The following SHROOM3 variants were observed in gnomAD, a reference collection of about 807,000 sequenced individuals.
SHROOM3 encodes the protein protein Shroom3.
A neutral mutation model predicts 138.6 loss-of-function variants in SHROOM3; 47 were observed. The observed-to-expected ratio is 0.34, with a 90% CI of 0.27 to 0.43. SHROOM3 has a LOEUF of 0.43. Ranked by LOEUF, SHROOM3 falls within the 20% of genes least tolerant of loss-of-function variation. The probability of loss-of-function intolerance (pLI) is 1.00; values close to 1 mark genes in which losing one functional copy is unlikely to be tolerated. For synonymous variants in SHROOM3, 1,062 were observed against 1,063.3 expected (o/e 1.00, Z 0.02); for missense variants, 2,491 against 2,596.5 (o/e 0.96, Z 0.88).
intron 2 of SHROOM3, among the ~76,000 whole-genome samples, chr4:76,708,012 G>A (rs1394054825): frequency 6.6e-6 from 1 of 151,930 alleles, no homozygotes; most frequent in Non-Finnish European, 1.5e-5. Context: ...GATTAGGAGG[G>A]GCAAAGGTTA....
intron 3 of SHROOM3, among the ~76,000 whole-genome samples, chr4:76,724,537 G>A (rs988461239): frequency 2.9e-4 from 44 of 152,002 alleles, no homozygotes; most frequent in Non-Finnish European, 4.0e-4. Flanking sequence ...CATGCGTATA[G>A]TATAAAATTT....
At chr4:76,754,003 T>A (rs1489179878) in intron 6 of SHROOM3, among the ~76,000 whole-genome samples, 1 of 152,218 alleles carries the variant, frequency 6.6e-6, no homozygotes, top group Non-Finnish European at 1.5e-5. Flanking sequence ...AAGCCTGTCC[T>A]CAAAAGCTGC....
intron 2 of SHROOM3, among the ~76,000 whole-genome samples, chr4:76,599,622 A>G (rs1448447790): frequency 6.6e-6 from 1 of 152,220 alleles, no homozygotes; most frequent in Non-Finnish European, 1.5e-5. Context: ...ACGGTGTCCT[A>G]GCACAGGCTT....
rs138026096 is a variant in SHROOM3, at chr4:76,539,888, C to T, written c.169-15721C>T. On this transcript the variant is annotated intron_variant, in intron 1 of 10. Transcript: ENST00000296043. The stretch of plus-strand genomic sequence containing the variant: ...TCTGAGATGGAGTTTCGCTCTTTCA[C>T]CCAGGCTGGAGTGCAGTGGTTCAAT... Among the ~76,000 whole-genome samples the T allele has an allele frequency of 1.4e-3, 206 of 152,330 alleles. 1 individual carries two copies. The highest frequency in any genetic ancestry group is 4.7e-3 in the African/African-American group (196 of 41,574).
chr4:76,668,859 A>T (rs550471992), intron 2 of SHROOM3, among the ~76,000 whole-genome samples: 90 of 152,342 alleles, frequency 5.9e-4, no homozygotes, highest in African/African-American at 2.1e-3. Context: ...TGACATTCTC[A>T]GTTAGAAAAC....
intron 1 of SHROOM3, among the ~76,000 whole-genome samples, chr4:76,493,556 G>T (rs966217199): frequency 2.6e-5 from 4 of 152,182 alleles, no homozygotes; most frequent in Non-Finnish European, 5.9e-5. Context: ...AAGGTGAGGG[G>T]AGTGAAGGGA....
At chr4:76,667,966 CAAAAAAAAAAAAAAA>C (rs747974205) in intron 2 of SHROOM3, among the ~76,000 whole-genome samples, 3 of 62,554 alleles carry the variant, frequency 4.8e-5, no homozygotes, top group Non-Finnish European at 8.8e-5. Flanking sequence ...GACTCCCTCT[CAAAAAAAAAAAAAAA>C]AAAAAAAAAA....
At chr4:76,678,979 A>T (rs923717264) in intron 2 of SHROOM3, among the ~76,000 whole-genome samples, 2 of 152,298 alleles carry the variant, frequency 1.3e-5, no homozygotes, top group East Asian at 1.9e-4. Context: ...TTTTTTTAAA[A>T]GTAATTTTAG....
At chr4:76,436,351 C>G (rs1730564215) in intron 1 of SHROOM3, 131 bp downstream of exon 1, 4 of 879,180 alleles carry the variant, frequency 4.5e-6, no homozygotes, top group Non-Finnish European at 6.7e-6. Context: ...TTCTGATTAT[C>G]TAGAAATATT....
intron 1 of SHROOM3, among the ~76,000 whole-genome samples, chr4:76,479,514 C>T (rs1426433368): frequency 1.3e-5 from 2 of 152,040 alleles, no homozygotes; most frequent in Non-Finnish European, 2.9e-5. Context: ...GATTGGTGTA[C>T]CTGAAAGTGA....
chr4:76,471,958 A>G (rs752019963), intron 1 of SHROOM3, among the ~76,000 whole-genome samples: 11 of 152,288 alleles, frequency 7.2e-5, no homozygotes, highest in Middle Eastern at 3.4e-3. Context: ...TGTTAGTTGT[A>G]TGATCAAGGG....
At chr4:76,597,616 G>C (rs1449763709) in intron 2 of SHROOM3, among the ~76,000 whole-genome samples, 6 of 152,182 alleles carry the variant, frequency 3.9e-5, no homozygotes, top group Non-Finnish European at 4.4e-5. Context: ...GCAGGAGCCA[G>C]TGAAGGACAA....
intron 2 of SHROOM3, among the ~76,000 whole-genome samples, chr4:76,593,430 C>T (rs1326994082): frequency 6.6e-6 from 1 of 152,152 alleles, no homozygotes; most frequent in Non-Finnish European, 1.5e-5. Context: ...GTAAAGAACA[C>T]AGATGATATA....
At chr4:76,515,239 A>T (rs1175612195) in intron 1 of SHROOM3, among the ~76,000 whole-genome samples, 1 of 148,832 alleles carries the variant, frequency 6.7e-6, no homozygotes, top group Non-Finnish European at 1.5e-5. Flanking sequence ...AAAAAAAATT[A>T]GCTGGATGTT....
At chr4:76,566,049 C>T (rs372007549) in intron 2 of SHROOM3, among the ~76,000 whole-genome samples, 274 of 143,582 alleles carry the variant, frequency 1.9e-3, no homozygotes, top group African/African-American at 6.7e-3. Context: ...ATTGAAGCTG[C>T]AGTGAGCCAT....
intron 2 of SHROOM3, among the ~76,000 whole-genome samples, chr4:76,572,413 C>T (rs905376854): frequency 3.9e-5 from 6 of 152,266 alleles, no homozygotes; most frequent in Admixed American, 3.3e-4. Context: ...CTGCAGCCTG[C>T]ATGTTCTGGG....
At chr4:76,754,172 G>C (rs1221927941) in intron 6 of SHROOM3, 139 bp from the exon 7 acceptor site, 1 of 1,090,026 alleles carries the variant, frequency 9.2e-7, no homozygotes. Flanking sequence ...AGCCAGGGAA[G>C]ACAGTGTGCA....
chr4:76,537,198 G>T (rs1245731765), intron 1 of SHROOM3, among the ~76,000 whole-genome samples: 1 of 152,182 alleles, frequency 6.6e-6, no homozygotes, highest in Admixed American at 6.5e-5. Flanking sequence ...TTCAAAGAAA[G>T]AGCTCATCAA....
chr4:76,664,962 G>A lies in SHROOM3; in HGVS notation c.324-45194G>A, dbSNP rs1718653208. 6.6e-6 allele frequency among the ~76,000 whole-genome samples: 1 copy of A among 151,998 alleles called. No homozygotes were observed. The highest frequency in any genetic ancestry group is 1.5e-5 in the Non-Finnish European group (1 of 67,994). On this transcript the variant is annotated intron_variant, in intron 2 of 10. Transcript: ENST00000296043. The surrounding 1 kb of genome is among the most constrained non-coding windows in gnomAD (Gnocchi z 4.2). ...GCCCAGGAGTTTGAGACCAGCCTGG[G>A]CAACACAGTGAGACCACGTCTCAAA...
Sources: allele counts gnomAD v4.1 joint callset (sites outside exome capture counted in the v4.1 genomes callset), GRCh38; gene constraint gnomAD v4.1.1; non-coding constraint Gnocchi (gnomAD v3.1); transcripts MANE v1.5; gene names NCBI Gene and HGNC (gene_info 2026-07-23, HGNC 2026-07-21).